The following CDH4 variants were observed in gnomAD, a reference collection of about 807,000 sequenced individuals.
CDH4 encodes cadherin 4.
A neutral mutation model predicts 86.0 loss-of-function variants in CDH4; 33 were observed. The ratio of observed to expected loss-of-function variants is 0.38; its 90% CI spans 0.29 to 0.51. CDH4 has a LOEUF of 0.51. Among genes scored for constraint, CDH4 ranks in the 20% least tolerant of loss-of-function variants. CDH4 has a pLI of 0.86. For synonymous variants in CDH4, 555 were observed against 549.4 expected (o/e 1.01, Z -0.14); for missense variants, 1,114 against 1,307.4 (o/e 0.85, Z 2.28).
intron 2 of CDH4, among the ~76,000 whole-genome samples, chr20:61,496,129 GTGGCTCACT>G (rs1246991483): frequency 6.6e-6 from 1 of 152,090 alleles, no homozygotes; most frequent in Non-Finnish European, 1.5e-5. Flanking sequence ...GCCAGCCACA[GTGGCTCACT>G]CTTGTAATCC....
chr20:61,417,677 A>G lies in CDH4; in HGVS notation c.169+162740A>G, dbSNP rs2085154313. Reference sequence around the variant, plus strand: ...TTTCTAGCCGCTTCCCTCTCAGAACATGCATTTCTCCTGACTTGTATTACT... The same window carrying G: ...TTTCTAGCCGCTTCCCTCTCAGAACGTGCATTTCTCCTGACTTGTATTACT... On this transcript the variant is annotated intron_variant, in intron 2 of 15. Transcript: ENST00000614565. This position sits in a 1 kb window ranked among gnomAD's most constrained non-coding sequence, Gnocchi z 4.0. Among the ~76,000 whole-genome samples, 1 of 152,146 alleles carries G rather than the reference A, an allele frequency of 6.6e-6. No individual in the cohort carries two copies. Among genetic ancestry groups the G allele is most frequent in the African/African-American group, 2.4e-5 (1 of 41,426 alleles).
intron 2 of CDH4, among the ~76,000 whole-genome samples, chr20:61,565,080 G>A (rs1600762942): frequency 8.0e-6 from 1 of 125,674 alleles, no homozygotes; most frequent in Non-Finnish European, 1.7e-5. Context: ...GGTGGTGGTG[G>A]TGGTGGTGCT....
intron 2 of CDH4, among the ~76,000 whole-genome samples, chr20:61,295,025 G>C (rs988220077): frequency 6.6e-6 from 1 of 152,232 alleles, no homozygotes; most frequent in Non-Finnish European, 1.5e-5. Flanking sequence ...TGGAGTCTCT[G>C]TCTGGCCTTG....
intron 2 of CDH4, among the ~76,000 whole-genome samples, chr20:61,686,347 ATGTGTGTATG>A (rs1232317277): frequency 4.3e-4 from 65 of 152,278 alleles, no homozygotes; most frequent in Middle Eastern, 6.8e-3. Flanking sequence ...GTGCGTGTAT[ATGTGTGTATG>A]TGCGTGTGCA....
chr20:61,849,962 C>T (rs1411743061), intron 5 of CDH4, among the ~76,000 whole-genome samples: 1 of 152,224 alleles, frequency 6.6e-6, no homozygotes, highest in Admixed American at 6.5e-5. Flanking sequence ...TCTTTAGATC[C>T]TGTTCCATTT....
At chr20:61,749,563 C>A (rs1215864985) in intron 3 of CDH4, among the ~76,000 whole-genome samples, 1 of 151,640 alleles carries the variant, frequency 6.6e-6, no homozygotes, top group East Asian at 1.9e-4. Context: ...GGCTAGAAAT[C>A]AATAACAAAG....
intron 2 of CDH4, among the ~76,000 whole-genome samples, chr20:61,467,633 A>G (rs1462944097): frequency 6.6e-6 from 1 of 152,210 alleles, no homozygotes; most frequent in Non-Finnish European, 1.5e-5. Context: ...ACATAATTAC[A>G]CATGCTGCTG....
At chr20:61,283,998 T>C (rs1278727553) in intron 2 of CDH4, among the ~76,000 whole-genome samples, 1 of 152,186 alleles carries the variant, frequency 6.6e-6, no homozygotes, top group African/African-American at 2.4e-5. Flanking sequence ...GTGGAGAGGC[T>C]GAGCACTTAA....
intron 4 of CDH4, among the ~76,000 whole-genome samples, chr20:61,838,937 A>C (rs574407743): frequency 1.8e-3 from 268 of 152,008 alleles, no homozygotes; most frequent in African/African-American, 6.3e-3. Flanking sequence ...TGCCTTCGGG[A>C]TGGGGCAAGA....
chr20:61,927,286 C>T (rs1299131833), intron 11 of CDH4, among the ~76,000 whole-genome samples: 2 of 152,328 alleles, frequency 1.3e-5, no homozygotes, highest in African/African-American at 4.8e-5. Context: ...GGGCATCTCT[C>T]TGTCCCCAGA....
intron 7 of CDH4, among the ~76,000 whole-genome samples, chr20:61,885,655 C>T (rs145744561): frequency 2.0e-5 from 3 of 152,174 alleles, no homozygotes; most frequent in African/African-American, 4.8e-5. Context: ...TACCCAGGAG[C>T]GGAGCTGCCA....
At chr20:61,922,369 A>G (rs2122969290) in intron 9 of CDH4, among the ~76,000 whole-genome samples, 2 of 152,300 alleles carry the variant, frequency 1.3e-5, no homozygotes, top group South Asian at 4.1e-4. Context: ...CTGATAATAC[A>G]GCATCACTGC....
At chr20:61,695,356 T>A (rs1450706036) in intron 2 of CDH4, among the ~76,000 whole-genome samples, 1 of 152,194 alleles carries the variant, frequency 6.6e-6, no homozygotes, top group Non-Finnish European at 1.5e-5. Flanking sequence ...GGGTATCAGA[T>A]GTATTCCACG....
At chr20:61,710,794 T>C (rs144160468) in intron 2 of CDH4, among the ~76,000 whole-genome samples, 2 of 152,330 alleles carry the variant, frequency 1.3e-5, no homozygotes, top group African/African-American at 4.8e-5. Context: ...AAACACTTTC[T>C]GAGGCCCTAC....
intron 2 of CDH4, among the ~76,000 whole-genome samples, chr20:61,258,350 A>AAAG (rs1321165237): frequency 8.0e-5 from 12 of 149,732 alleles, no homozygotes; most frequent in African/African-American, 2.5e-4. Context: ...AAAAAAGAAA[A>AAAG]AAAAAAAAGA....
At chr20:61,578,746 A>G (rs6121706) in intron 2 of CDH4, among the ~76,000 whole-genome samples, 16,957 of 152,166 alleles carry the variant, frequency 0.11, 2,160 homozygotes, top group African/African-American at 0.31. Flanking sequence ...TCCAACTGAT[A>G]TGAGCTAACA....
intron 4 of CDH4, among the ~76,000 whole-genome samples, chr20:61,815,485 C>A (rs1980669742): frequency 6.6e-6 from 1 of 152,182 alleles, no homozygotes; most frequent in Non-Finnish European, 1.5e-5. Context: ...CCACATCGGC[C>A]CAGGGAGGCT....
At chr20:61,285,034 G>A (rs984239958) in intron 2 of CDH4, among the ~76,000 whole-genome samples, 1 of 151,882 alleles carries the variant, frequency 6.6e-6, no homozygotes, top group Non-Finnish European at 1.5e-5. Flanking sequence ...TCTACTTTAT[G>A]CCCCCATTTT....
intron 2 of CDH4, among the ~76,000 whole-genome samples, chr20:61,338,541 G>C (rs1043882466): frequency 1.3e-5 from 2 of 151,014 alleles, no homozygotes; most frequent in African/African-American, 4.9e-5. Context: ...CTCCTGCCTA[G>C]ATATTTGCTC....
Sources: gnomAD v4.1 joint callset for allele counts (sites outside exome capture counted in the v4.1 genomes callset) on GRCh38, gnomAD v4.1.1 for gene constraint, Gnocchi (gnomAD v3.1) non-coding constraint, MANE v1.5 for transcripts, NCBI Gene and HGNC (gene_info 2026-07-23, HGNC 2026-07-21) for gene names.